NAALADL2: variants seen among roughly 807,000 people sequenced by gnomAD.
NAALADL2 encodes N-acetylated alpha-linked acidic dipeptidase like 2.
In NAALADL2, 76 loss-of-function variants were observed where a neutral mutation model predicts 87.2. The observed-to-expected ratio is 0.87, with a 90% CI of 0.72 to 1.05. The LOEUF is 1.05. Ranked by LOEUF, NAALADL2 falls within the 50% of genes least tolerant of loss-of-function variation. The pLI, the probability that NAALADL2 is intolerant of heterozygous loss-of-function variation, is 0.00. For missense variants in NAALADL2, 1,089 were observed against 945.8 expected, an observed-to-expected ratio of 1.15 and a Z score of -1.99; for synonymous variants, 354 against 331.0, an observed-to-expected ratio of 1.07 and a Z score of -0.75.
At chr3:174,681,893 C>T (rs1346043285) in intron 2 of NAALADL2, among the ~76,000 whole-genome samples, 1 of 152,146 alleles carries the variant, frequency 6.6e-6, no homozygotes, top group East Asian at 1.9e-4. Context: ...CTGCCCTGAG[C>T]CAGAGGTGGG....
chr3:174,751,445 C>G (rs1041708650), intron 3 of NAALADL2, among the ~76,000 whole-genome samples: 1 of 151,914 alleles, frequency 6.6e-6, no homozygotes, highest in Non-Finnish European at 1.5e-5. Flanking sequence ...GGTGGATTAC[C>G]TGAGGTCAGG....
intron 10 of NAALADL2, among the ~76,000 whole-genome samples, chr3:175,584,975 TAATA>T (rs1720333032): frequency 6.6e-6 from 1 of 152,154 alleles, no homozygotes; most frequent in African/African-American, 2.4e-5. Flanking sequence ...CTTTCTTTAG[TAATA>T]AATAACCTTA....
At chr3:175,706,949 A>C (rs746249185) in intron 11 of NAALADL2, among the ~76,000 whole-genome samples, 3 of 152,146 alleles carry the variant, frequency 2.0e-5, no homozygotes, top group Admixed American at 6.5e-5. Flanking sequence ...TGAAGACAGA[A>C]ACATTTAACT....
intron 3 of NAALADL2, among the ~76,000 whole-genome samples, chr3:174,794,111 T>C (rs1014628652): frequency 6.6e-6 from 1 of 152,078 alleles, no homozygotes; most frequent in Non-Finnish European, 1.5e-5. Context: ...TTAGTAGTTA[T>C]GGAATTATTT....
chr3:175,636,298 C>A (rs921099479), intron 11 of NAALADL2, among the ~76,000 whole-genome samples: 4 of 152,028 alleles, frequency 2.6e-5, no homozygotes, highest in African/African-American at 9.7e-5. Context: ...CTGACACTAC[C>A]AATTGATTGG....
At chr3:175,487,659 C>T (rs531827431) in intron 9 of NAALADL2, 20 of 376,700 alleles carry the variant, frequency 5.3e-5, no homozygotes, top group Non-Finnish European at 8.9e-5. Flanking sequence ...TTCTGGAGTC[C>T]AATCCACATA....
At chr3:174,717,416 G>A (rs573046904) in intron 2 of NAALADL2, among the ~76,000 whole-genome samples, 2 of 152,160 alleles carry the variant, frequency 1.3e-5, no homozygotes, top group African/African-American at 4.8e-5. Flanking sequence ...ATGTCATGCC[G>A]GTCTTTTTGT....
chr3:175,133,130 C>A (rs1243120422), intron 2 of NAALADL2, among the ~76,000 whole-genome samples: 1 of 148,558 alleles, frequency 6.7e-6, no homozygotes, highest in Non-Finnish European at 1.5e-5. Flanking sequence ...GATGGGCGGC[C>A]GGGCAGAGAC....
At chr3:175,278,121 G>A (rs888539860) in intron 4 of NAALADL2, among the ~76,000 whole-genome samples, 12 of 152,098 alleles carry the variant, frequency 7.9e-5, no homozygotes, top group Non-Finnish European at 1.2e-4. Context: ...GCGAGACTCC[G>A]TCTCAATAAT....
At chr3:175,269,289 A>C (rs1752443942) in intron 4 of NAALADL2, among the ~76,000 whole-genome samples, 1 of 152,190 alleles carries the variant, frequency 6.6e-6, no homozygotes, top group Non-Finnish European at 1.5e-5. Flanking sequence ...AATAGCAAAA[A>C]TATACATAGT....
At chr3:175,113,577 T>G (rs1337712666) in intron 2 of NAALADL2, among the ~76,000 whole-genome samples, 1 of 151,462 alleles carries the variant, frequency 6.6e-6, no homozygotes, top group Non-Finnish European at 1.5e-5. Flanking sequence ...GCAGGAGACA[T>G]GAGACCCCTG....
At chr3:174,455,826 C>G (rs1715795218) in intron 1 of NAALADL2, among the ~76,000 whole-genome samples, 1 of 152,100 alleles carries the variant, frequency 6.6e-6, no homozygotes, top group South Asian at 2.1e-4. Context: ...CAAGGATGTT[C>G]TCTCTCACCA....
intron 2 of NAALADL2, among the ~76,000 whole-genome samples, chr3:174,603,943 G>T (rs1314647414): frequency 1.3e-5 from 2 of 151,994 alleles, no homozygotes; most frequent in South Asian, 4.1e-4. Context: ...TATTATTTCA[G>T]ATTTTATGAG....
At chr3:175,303,688 T>C (rs1757354888) in intron 4 of NAALADL2, among the ~76,000 whole-genome samples, 1 of 152,226 alleles carries the variant, frequency 6.6e-6, no homozygotes, top group Non-Finnish European at 1.5e-5. Flanking sequence ...CCCATTTCCA[T>C]TCCCCTTAGG....
chr3:174,821,507 T>G (rs957547313), intron 3 of NAALADL2, among the ~76,000 whole-genome samples: 1 of 152,176 alleles, frequency 6.6e-6, no homozygotes, highest in African/African-American at 2.4e-5. Context: ...ATGTGATGTT[T>G]CTCATTTTAC....
rs1164831017 is a variant in NAALADL2, at chr3:174,520,763, A to G, written c.-183-29806A>G. On this transcript the variant is annotated intron_variant, in intron 1 of 3. Transcript: ENST00000434257. ...GACAAACGAAATAACCAACAGAGGTAAAAGACAATTTACAGAATGTGAGAA... is the reference window on the plus strand; with the variant it reads ...GACAAACGAAATAACCAACAGAGGTGAAAGACAATTTACAGAATGTGAGAA... Among the ~76,000 whole-genome samples the G allele has an allele frequency of 6.6e-5, 10 of 152,232 alleles. No individual in the cohort carries two copies. The East Asian group carries it at 1.9e-3, about 29-fold the overall frequency.
chr3:175,668,827 G>A (rs544087699), intron 11 of NAALADL2, among the ~76,000 whole-genome samples: 1 of 152,256 alleles, frequency 6.6e-6, no homozygotes, highest in South Asian at 2.1e-4. Context: ...ATATAGTTAA[G>A]AGACAGTCTT....
chr3:174,778,998 A>G (rs559088537), intron 3 of NAALADL2, among the ~76,000 whole-genome samples: 2 of 152,164 alleles, frequency 1.3e-5, no homozygotes. Flanking sequence ...ACACCCAGTA[A>G]TGGGATTGCT....
rs74417372 is a variant in NAALADL2 at position 175,171,524 on chromosome 3, G to T, written c.546-62407G>T. ...AATACCAATGGGTATATGAACATTG[G>T]TAGTATGAAAAGTTAGATATTTGTT... On this transcript the variant is annotated intron_variant, in intron 2 of 13. Transcript: ENST00000454872. Among the ~76,000 whole-genome samples the T allele has an allele frequency of 7.9e-5, 12 of 152,106 alleles. No homozygotes were observed. The East Asian group carries it at 2.3e-3, about 29-fold the overall frequency.
Sources: allele counts gnomAD v4.1 joint callset (sites outside exome capture counted in the v4.1 genomes callset), GRCh38; gene constraint gnomAD v4.1.1; transcripts MANE v1.5; gene names NCBI Gene and HGNC (gene_info 2026-07-23, HGNC 2026-07-21).